The following MBD5 variants were observed in gnomAD, a reference collection of about 807,000 sequenced individuals.
The protein encoded by MBD5 is methyl-CpG binding domain protein 5, also known as methyl-CpG-binding domain protein 5.
Under a neutral mutation model 117.3 loss-of-function variants are expected in MBD5, and 13 were observed. The ratio of observed to expected loss-of-function variants is 0.11; its 90% CI spans 0.07 to 0.18. The LOEUF is 0.18. Among genes scored for constraint, MBD5 ranks in the 10% least tolerant of loss-of-function variants. MBD5 has a pLI of 1.00. For missense variants in MBD5, 1,879 were observed against 2,093.8 expected, an observed-to-expected ratio of 0.90 and a Z score of 2.00; for synonymous variants, 727 against 766.4, an observed-to-expected ratio of 0.95 and a Z score of 0.85.
chr2:148,390,285 A>G (rs975807108), intron 4 of MBD5, among the ~76,000 whole-genome samples: 3 of 151,754 alleles, frequency 2.0e-5, no homozygotes, highest in Admixed American at 2.0e-4. Flanking sequence ...CTGTGTGTCT[A>G]TTTTTGTACC....
At chr2:148,022,638 AT>A (rs1418225603) in intron 1 of MBD5, among the ~76,000 whole-genome samples, 1 of 152,112 alleles carries the variant, frequency 6.6e-6, no homozygotes, top group Admixed American at 6.5e-5. Context: ...TAGCTGAATT[AT>A]TTATTTACTG....
At chr2:148,509,578 T>TG (rs1213703069) in intron 12 of MBD5, among the ~76,000 whole-genome samples, 1 of 152,208 alleles carries the variant, frequency 6.6e-6, no homozygotes, top group Non-Finnish European at 1.5e-5. Context: ...AGCCTTCACT[T>TG]GCTCAACTCC....
Position 148,149,042 on chromosome 2 carries a change from A to T in MBD5, c.-924-29658A>T, listed in dbSNP as rs1574066908. Among the ~76,000 whole-genome samples, 3 of 152,136 alleles carry T rather than the reference A, an allele frequency of 2.0e-5. No homozygotes were observed. The South Asian group carries it at 6.2e-4, about 32-fold the overall frequency. The stretch of plus-strand genomic sequence containing the variant: ...CCATGCTGGTGCACTGCACCCACTA[A>T]ATCGTCATCTAGCATTAGGTATATC... On this transcript the variant is annotated intron_variant, in intron 1 of 13. Coordinates refer to ENST00000642680, the MANE Select transcript of MBD5 (RefSeq NM_001378120.1).
intron 1 of MBD5, among the ~76,000 whole-genome samples, chr2:148,169,102 A>G (rs898012618): frequency 7.9e-5 from 12 of 151,982 alleles, no homozygotes; most frequent in Non-Finnish European, 1.6e-4. Context: ...CCCTAAAGTT[A>G]AAATATATGA....
intron 11 of MBD5, among the ~76,000 whole-genome samples, chr2:148,499,826 T>C (rs919433241): frequency 6.6e-6 from 1 of 152,152 alleles, no homozygotes; most frequent in Non-Finnish European, 1.5e-5. Context: ...ATCTTTAAAG[T>C]TTCTTGAATA....
At chr2:148,385,532 C>T (rs1704324379) in intron 4 of MBD5, among the ~76,000 whole-genome samples, 1 of 152,066 alleles carries the variant, frequency 6.6e-6, no homozygotes, top group African/African-American at 2.4e-5. Flanking sequence ...CTGGTTCAAC[C>T]ATTGTGGAAG....
At chr2:148,425,340 A>T (rs553967752) in intron 4 of MBD5, among the ~76,000 whole-genome samples, 2 of 152,374 alleles carry the variant, frequency 1.3e-5, no homozygotes, top group Admixed American at 1.3e-4. Context: ...AACCAGGAAG[A>T]AGTCGAATCC....
chr2:148,147,626 G>A (rs1385126561), intron 1 of MBD5, among the ~76,000 whole-genome samples: 8 of 152,092 alleles, frequency 5.3e-5, no homozygotes. Context: ...ATTTGGTTTT[G>A]TTGTTGTTGC....
In MBD5 at chr2:148,214,637, TC is replaced by T. The variant is rs1313970654; in HGVS notation, c.-830-18606del. ...AAGTGTTCAATTTGTTACCAGTAGC[TC>T]CTATATGACCCCTGTTATGTTGCTT... On this transcript the variant is annotated intron_variant, in intron 2 of 13. Coordinates refer to ENST00000642680, the MANE Select transcript of MBD5 (RefSeq NM_001378120.1). Among the ~76,000 whole-genome samples the T allele has an allele frequency of 5.0e-4, 76 of 152,206 alleles. 1 individual carries two copies. Among genetic ancestry groups the T allele is most frequent in the Non-Finnish European group, 1.2e-4 (8 of 68,030 alleles).
At chr2:148,332,860 AT>A (rs1702695021) in intron 3 of MBD5, among the ~76,000 whole-genome samples, 1 of 151,112 alleles carries the variant, frequency 6.6e-6, no homozygotes, top group Non-Finnish European at 1.5e-5. Flanking sequence ...GATTTTTTGA[AT>A]TTTTTTTCTT....
intron 4 of MBD5, among the ~76,000 whole-genome samples, chr2:148,402,227 T>G (rs1241630432): frequency 1.3e-5 from 2 of 152,162 alleles, no homozygotes; most frequent in Non-Finnish European, 2.9e-5. Context: ...ACTTACTATT[T>G]TTTAGCATTC....
chr2:148,439,472 C>T (rs944297218), intron 4 of MBD5, among the ~76,000 whole-genome samples: 3 of 152,070 alleles, frequency 2.0e-5, no homozygotes, highest in East Asian at 1.9e-4. Flanking sequence ...TTTTTATATT[C>T]GTGACCAGAA....
intron 4 of MBD5, among the ~76,000 whole-genome samples, chr2:148,382,352 C>G (rs187598261): frequency 1.3e-5 from 2 of 152,090 alleles, no homozygotes; most frequent in Non-Finnish European, 2.9e-5. Flanking sequence ...TCAAAAGAGA[C>G]AAAGAAGACC....
At chr2:148,127,447 C>T (rs1267926020) in intron 1 of MBD5, among the ~76,000 whole-genome samples, 2 of 152,118 alleles carry the variant, frequency 1.3e-5, no homozygotes, top group African/African-American at 2.4e-5. Flanking sequence ...CACGTGTTCT[C>T]ATCATTCATC....
chr2:148,500,009 G>A (rs1681824342), intron 11 of MBD5, among the ~76,000 whole-genome samples: 1 of 151,998 alleles, frequency 6.6e-6, no homozygotes, highest in African/African-American at 2.4e-5. Flanking sequence ...TTAGTTTCAG[G>A]ACTATATTTG....
chr2:148,491,426 C>A (rs1233026254), intron 11 of MBD5, among the ~76,000 whole-genome samples: 1 of 151,628 alleles, frequency 6.6e-6, no homozygotes, highest in African/African-American at 2.4e-5. Flanking sequence ...TGCACATTCC[C>A]CCATATGATT....
At chr2:148,198,116 G>A (rs1699042989) in intron 2 of MBD5, among the ~76,000 whole-genome samples, 1 of 152,000 alleles carries the variant, frequency 6.6e-6, no homozygotes, top group African/African-American at 2.4e-5. Context: ...ACTTATGAAT[G>A]CCATAATCAA....
chr2:148,413,249 G>A (rs941159254), intron 4 of MBD5, among the ~76,000 whole-genome samples: 5 of 151,946 alleles, frequency 3.3e-5, no homozygotes, highest in African/African-American at 9.7e-5. Flanking sequence ...AGTTCTGTTC[G>A]TATGATAAAT....
chr2:148,202,907 T>C (rs891181001), intron 2 of MBD5, among the ~76,000 whole-genome samples: 2 of 151,824 alleles, frequency 1.3e-5, no homozygotes, highest in African/African-American at 2.4e-5. Flanking sequence ...AGCTGTAAAA[T>C]AGACTGGCCA....
Sources: allele counts gnomAD v4.1 joint callset (sites outside exome capture counted in the v4.1 genomes callset), GRCh38; gene constraint gnomAD v4.1.1; transcripts MANE v1.5; gene names NCBI Gene and HGNC (gene_info 2026-07-23, HGNC 2026-07-21).